Variants in GPRIN3 observed in about 807,000 individuals in gnomAD.
The protein encoded by GPRIN3 is G protein-regulated inducer of neurite outgrowth 3.
In GPRIN3, 12 loss-of-function variants were observed where a neutral mutation model predicts 13.7. The observed-to-expected ratio is 0.87, with a 90% confidence interval of 0.56 to 1.42. GPRIN3 has a LOEUF of 1.42. Among genes scored for constraint, GPRIN3 ranks in the 40% most tolerant of loss-of-function variants. The pLI is 0.00. For synonymous variants in GPRIN3, 377 were observed against 372.7 expected (o/e 1.01, Z -0.13); for missense variants, 1,009 against 958.7 (o/e 1.05, Z -0.69).
At chr4:89,275,454 T>C (rs1724066925) in intron 1 of GPRIN3, among the ~76,000 whole-genome samples, 1 of 152,152 alleles carries the variant, frequency 6.6e-6, no homozygotes, top group African/African-American at 2.4e-5. Flanking sequence ...TCCTTGACCT[T>C]AGGTTATGTG....
Position 89,240,535 on chromosome 4 carries a change from T to A in GPRIN3, c.*7245A>T, listed in dbSNP as rs903909650. 6.6e-6 allele frequency: 1 copy of A among 152,186 alleles called. No homozygotes were observed. Among genetic ancestry groups the A allele is most frequent in the African/African-American group, 2.4e-5 (1 of 41,444 alleles). 9.4% of individuals were successfully genotyped at this position (152,186 alleles called of 1,614,324 possible). Reference sequence around the variant, plus strand: ...GTGCAAATCAACACACTGATACATGTCCAAAAGGAGTCTCCAAAACATAAT... The same window carrying A: ...GTGCAAATCAACACACTGATACATGACCAAAAGGAGTCTCCAAAACATAAT... On this transcript the variant is annotated 3_prime_UTR_variant, in exon 2 of 2. Coordinates refer to ENST00000609438, the MANE Select transcript of GPRIN3 (RefSeq NM_198281.3).
At position 89,249,376 on chromosome 4, in the gene GPRIN3, T is replaced by C. The variant is rs748375047; in HGVS notation, c.735A>G (p.Ser245=). The C allele has an allele frequency of 1.9e-6, 3 of 1,614,178 alleles. No homozygotes were observed. The highest frequency in any genetic ancestry group is 2.2e-5 in the South Asian group (2 of 91,082). The change falls in exon 2 of 2, where the codon TCA becomes TCG. Residue 245 remains serine (S), a synonymous_variant. Transcript: ENST00000609438. ...CAGTGACAGAGGGCTGCTTGTTCTC[T>C]GAACATCCAGATTCTCTAGTTAGAG... The part of the protein sequence containing the change: ...CKPLTRESGC[S]ENKQPSVTAS...
chr4:89,261,001 G>C (rs1475917997), intron 1 of GPRIN3, among the ~76,000 whole-genome samples: 1 of 152,098 alleles, frequency 6.6e-6, no homozygotes, highest in African/African-American at 2.4e-5. Flanking sequence ...TGTTGTAAAA[G>C]AAACAAAACA....
intron 1 of GPRIN3, among the ~76,000 whole-genome samples, chr4:89,300,255 C>T (rs1394420704): frequency 6.6e-6 from 1 of 152,110 alleles, no homozygotes; most frequent in Non-Finnish European, 1.5e-5. Context: ...GTAGTCCAGA[C>T]TTTACAGACT....
chr4:89,263,403 C>A (rs1026210127), intron 1 of GPRIN3, among the ~76,000 whole-genome samples: 1 of 152,152 alleles, frequency 6.6e-6, no homozygotes, highest in South Asian at 2.1e-4. Context: ...TGTGCACTGG[C>A]GGGAATGTGC....
At chr4:89,292,047 T>G (rs1724585953) in intron 1 of GPRIN3, among the ~76,000 whole-genome samples, 1 of 152,160 alleles carries the variant, frequency 6.6e-6, no homozygotes, top group South Asian at 2.1e-4. Flanking sequence ...TTTGTGTACA[T>G]GAAGCTCTGC....
rs1196023911 is a variant in GPRIN3, at chr4:89,249,586, T to C, written c.525A>G (p.Gly175=). 1 of 1,614,148 alleles carries C rather than the reference T, an allele frequency of 6.2e-7. No individual in the cohort carries two copies. Among genetic ancestry groups the C allele is most frequent in the Non-Finnish European group, 8.5e-7 (1 of 1,180,012 alleles). Residue 175 remains glycine (G), a synonymous_variant, in exon 2 of 2, where the codon GGA becomes GGG. Coordinates refer to ENST00000609438, the MANE Select transcript of GPRIN3 (RefSeq NM_198281.3). ...EQPEKPSCPV[G]GVLSSSKDQV... is the part of the protein sequence containing the mutation. ...GATCTTTGCTGCTACTGAGGACGCCTCCCACAGGACAACTTGGTTTCTCAG... is the reference window on the plus strand; with the variant it reads ...GATCTTTGCTGCTACTGAGGACGCCCCCCACAGGACAACTTGGTTTCTCAG...
At chr4:89,257,829 A>G (rs1482458689) in intron 1 of GPRIN3, among the ~76,000 whole-genome samples, 1 of 152,142 alleles carries the variant, frequency 6.6e-6, no homozygotes, top group Admixed American at 6.5e-5. Flanking sequence ...TACTAACCGA[A>G]GCTAATAAAG....
At chr4:89,277,081 C>T (rs890502584) in intron 1 of GPRIN3, among the ~76,000 whole-genome samples, 5 of 151,970 alleles carry the variant, frequency 3.3e-5, no homozygotes, top group African/African-American at 9.7e-5. Flanking sequence ...AGTCTTCAGT[C>T]CAAACAAAGA....
At chr4:89,299,872 G>C (rs1331508040) in intron 1 of GPRIN3, among the ~76,000 whole-genome samples, 1 of 152,142 alleles carries the variant, frequency 6.6e-6, no homozygotes, top group East Asian at 1.9e-4. Flanking sequence ...TAAAGATATG[G>C]TGCATTTAAA....
intron 1 of GPRIN3, among the ~76,000 whole-genome samples, chr4:89,256,296 G>A (rs923120368): frequency 6.6e-6 from 1 of 152,124 alleles, no homozygotes; most frequent in African/African-American, 2.4e-5. Flanking sequence ...TCCAGGGGCA[G>A]CCTAGATGGC....
intron 1 of GPRIN3, among the ~76,000 whole-genome samples, chr4:89,283,913 A>C (rs1354988748): frequency 6.6e-6 from 1 of 152,180 alleles, no homozygotes. Flanking sequence ...GGGGCTTTGT[A>C]AGTGAAACTG....
At chr4:89,262,378 G>A (rs1723655241) in intron 1 of GPRIN3, among the ~76,000 whole-genome samples, 1 of 152,016 alleles carries the variant, frequency 6.6e-6, no homozygotes. Context: ...GGGACAGAAT[G>A]GATGGAACAT....
At chr4:89,283,893 A>G (rs1485112499) in intron 1 of GPRIN3, among the ~76,000 whole-genome samples, 1 of 152,184 alleles carries the variant, frequency 6.6e-6, no homozygotes, top group African/African-American at 2.4e-5. Context: ...GTGACAAAGT[A>G]AAACTGCGGG....
At chr4:89,279,327 C>T (rs1454982394) in intron 1 of GPRIN3, among the ~76,000 whole-genome samples, 3 of 152,166 alleles carry the variant, frequency 2.0e-5, no homozygotes, top group Non-Finnish European at 2.9e-5. Flanking sequence ...TCTCACCACC[C>T]GCGCCCTGCC....
chr4:89,297,250 A>G (rs1463974560), intron 1 of GPRIN3, among the ~76,000 whole-genome samples: 8 of 152,192 alleles, frequency 5.3e-5, no homozygotes, highest in Non-Finnish European at 1.2e-4. Context: ...GAAGAATAAA[A>G]TTTTTAAGGA....
Position 89,249,687 on chromosome 4 carries a change from G to A in GPRIN3, c.424C>T (p.Gln142Ter). The A allele has an allele frequency of 3.7e-6, 6 of 1,614,120 alleles. No individual in the cohort carries two copies. The highest frequency in any genetic ancestry group is 5.1e-6 in the Non-Finnish European group (6 of 1,179,950). The change falls in exon 2 of 2, where the codon CAG becomes TAG. Residue 142 changes from glutamine (Q) to a stop codon, truncating the protein, a stop_gained. Coordinates refer to ENST00000609438, the MANE Select transcript of GPRIN3 (RefSeq NM_198281.3). LOFTEE classifies it low-confidence loss of function (END_TRUNC). ...ATGGATGAGGTGATGGCATTGGGCT[G>A]ATCACCTGGGATGGACTGGCAGGTG... ...QHTCQSIPGD[Q>*]PNAITSSMPE...
chr4:89,263,796 C>T (rs1723708842), intron 1 of GPRIN3, among the ~76,000 whole-genome samples: 1 of 152,172 alleles, frequency 6.6e-6, no homozygotes, highest in South Asian at 2.1e-4. Flanking sequence ...CAGAGAATTT[C>T]AGCTCATCAA....
chr4:89,257,994 G>T (rs1723519845), intron 1 of GPRIN3, among the ~76,000 whole-genome samples: 1 of 151,988 alleles, frequency 6.6e-6, no homozygotes, highest in African/African-American at 2.4e-5. Context: ...CATATTTGCA[G>T]ATCATTTTAG....
Sources: allele counts gnomAD v4.1 joint callset (sites outside exome capture counted in the v4.1 genomes callset), GRCh38; gene constraint gnomAD v4.1.1; transcripts MANE v1.5; gene names NCBI Gene and HGNC (gene_info 2026-07-23, HGNC 2026-07-21).